The following ENTREP2 variants were observed in gnomAD, a reference collection of about 807,000 sequenced individuals.
The protein encoded by ENTREP2 is endosomal transmembrane epsin interactor 2, also known as protein ENTREP2.
the ENTREP2 span, among the ~76,000 whole-genome samples, chr15:29,119,080 T>C: frequency 2.0e-5 from 3 of 152,138 alleles, no homozygotes; most frequent in African/African-American, 7.2e-5. Flanking sequence ...GCCAAGGGCT[T>C]GCTCCAGCAT....
At chr15:29,315,655 T>G in the ENTREP2 span, among the ~76,000 whole-genome samples, 2 of 152,142 alleles carry the variant, frequency 1.3e-5, no homozygotes, top group Admixed American at 6.5e-5. Context: ...AACCGGAAAG[T>G]TGAGAAATAT....
the ENTREP2 span, among the ~76,000 whole-genome samples, chr15:29,139,572 C>T: frequency 1.8e-4 from 27 of 152,196 alleles, no homozygotes; most frequent in African/African-American, 6.3e-4. Context: ...ATTCAAGGCA[C>T]CATTCCACCA....
chr15:29,233,825 G>A, the ENTREP2 span: 1 of 1,577,784 alleles, frequency 6.3e-7, no homozygotes, highest in South Asian at 1.1e-5. Context: ...GTCTGGCGAA[G>A]ATTAAAAAGG....
At chr15:29,144,399 C>G in the ENTREP2 span, among the ~76,000 whole-genome samples, 3 of 152,106 alleles carry the variant, frequency 2.0e-5, no homozygotes, top group Non-Finnish European at 4.4e-5. Flanking sequence ...AGGAAAAGTG[C>G]AGGCTCAGAT....
the ENTREP2 span, among the ~76,000 whole-genome samples, chr15:29,656,022 TAAAAAAAAA>T: frequency 1.0e-5 from 1 of 100,400 alleles, no homozygotes; most frequent in Non-Finnish European, 2.1e-5. Flanking sequence ...ACACTCCGTT[TAAAAAAAAA>T]AAAAAAAAAA....
chr15:29,299,687 T>C, the ENTREP2 span, among the ~76,000 whole-genome samples: 2 of 152,226 alleles, frequency 1.3e-5, no homozygotes, highest in Admixed American at 6.5e-5. Context: ...CTTTATAATA[T>C]ATAATATAGT....
chr15:29,556,126 G>C, the ENTREP2 span, among the ~76,000 whole-genome samples: 1 of 152,126 alleles, frequency 6.6e-6, no homozygotes, highest in East Asian at 1.9e-4. Context: ...GGGAGTGGTG[G>C]CATGCCAGTA....
the ENTREP2 span, among the ~76,000 whole-genome samples, chr15:29,549,827 C>T: frequency 1.3e-5 from 2 of 152,166 alleles, no homozygotes; most frequent in Non-Finnish European, 2.9e-5. Flanking sequence ...CCCATTCAGG[C>T]TCCTGGAACT....
the ENTREP2 span, among the ~76,000 whole-genome samples, chr15:29,240,156 A>C: frequency 6.6e-6 from 1 of 152,182 alleles, no homozygotes; most frequent in African/African-American, 2.4e-5. Flanking sequence ...TGAGGTCGGG[A>C]GTTCGAGACC....
At chr15:29,287,128 G>A in the ENTREP2 span, among the ~76,000 whole-genome samples, 1 of 152,114 alleles carries the variant, frequency 6.6e-6, no homozygotes, top group Non-Finnish European at 1.5e-5. Flanking sequence ...ACTCCTGCAT[G>A]CCCCTCATAC....
the ENTREP2 span, among the ~76,000 whole-genome samples, chr15:29,183,172 T>C: frequency 6.6e-6 from 1 of 152,180 alleles, no homozygotes; most frequent in African/African-American, 2.4e-5. Flanking sequence ...CTTTGAGTGA[T>C]GAGTCACTGA....
At chr15:29,275,014 G>C in the ENTREP2 span, among the ~76,000 whole-genome samples, 1 of 152,158 alleles carries the variant, frequency 6.6e-6, no homozygotes, top group African/African-American at 2.4e-5. Context: ...TTTCCTCTTG[G>C]TACAGTAAAG....
chr15:29,545,417 G>C, the ENTREP2 span, among the ~76,000 whole-genome samples: 4 of 152,166 alleles, frequency 2.6e-5, no homozygotes, highest in Non-Finnish European at 5.9e-5. Flanking sequence ...GGCCAAAAGA[G>C]ATAACAGAAA....
the ENTREP2 span, among the ~76,000 whole-genome samples, chr15:29,363,022 C>A: frequency 6.6e-6 from 1 of 152,234 alleles, no homozygotes; most frequent in South Asian, 2.1e-4. Context: ...GGTTGGGATA[C>A]TTAAGCTGCT....
At chr15:29,554,439 A>T in the ENTREP2 span, among the ~76,000 whole-genome samples, 1 of 151,842 alleles carries the variant, frequency 6.6e-6, no homozygotes, top group East Asian at 1.9e-4. Context: ...GGGAAGGGGG[A>T]AGGAGAGCCG....
At chr15:29,595,324 T>G in the ENTREP2 span, among the ~76,000 whole-genome samples, 1 of 152,190 alleles carries the variant, frequency 6.6e-6, no homozygotes, top group Admixed American at 6.5e-5. Flanking sequence ...GAATAATTAC[T>G]GAAGTAGCAT....
the ENTREP2 span, chr15:29,124,743 C>A: frequency 1.5e-5 from 23 of 1,550,682 alleles, no homozygotes; most frequent in Admixed American, 3.7e-4. Context: ...ACACGACGGC[C>A]TGTGTGAAGA....
chr15:29,131,587 A>G, the ENTREP2 span, among the ~76,000 whole-genome samples: 2 of 101,216 alleles, frequency 2.0e-5, no homozygotes, highest in South Asian at 3.2e-4. Flanking sequence ...CACCTGCACC[A>G]CCTCCCCCTC....
chr15:29,562,207 C>T, the ENTREP2 span, among the ~76,000 whole-genome samples: 1 of 152,164 alleles, frequency 6.6e-6, no homozygotes, highest in Admixed American at 6.5e-5. Flanking sequence ...TGCTCATGTT[C>T]CTGGGTAGGA....
Sources: gnomAD v4.1 joint callset for allele counts (sites outside exome capture counted in the v4.1 genomes callset) on GRCh38, gnomAD v4.1.1 for gene constraint, MANE v1.5 for transcripts, NCBI Gene and HGNC (gene_info 2026-07-23, HGNC 2026-07-21) for gene names.